CHODL: variants seen among roughly 807,000 people sequenced by gnomAD.
The protein encoded by CHODL is chondrolectin.
Under a neutral mutation model 34.5 loss-of-function variants are expected in CHODL, and 29 were observed. That is an observed-to-expected ratio of 0.84 (90% confidence interval 0.63 to 1.15). CHODL has a LOEUF of 1.15. Ranked by LOEUF, CHODL falls within the 50% of genes most tolerant of loss-of-function variation. CHODL has a pLI of 0.00. For synonymous variants in CHODL, 125 were observed against 116.1 expected, an observed-to-expected ratio of 1.08 and a Z score of -0.49; for missense variants, 332 against 332.5, an observed-to-expected ratio of 1.00 and a Z score of 0.01.
chr21:18,267,257 C>CTAT lies in CHODL; in HGVS notation c.*1221_*1222insTTA, dbSNP rs2074476578. On this transcript the variant is annotated 3_prime_UTR_variant, in exon 6 of 6. Transcript: ENST00000299295. The stretch of plus-strand genomic sequence containing the variant: ...TGGTGGCTCCTTTCTGTCTTATCTC[C>CTAT]TAGTTTCTTCAATGCTTACGCCTTG... 6 of 152,250 alleles carry CTAT rather than the reference C, an allele frequency of 3.9e-5. No individual in the cohort carries two copies. The South Asian group carries it at 1.2e-3, about 32-fold the overall frequency. The allele number at this position is 152,250 out of a possible 1,614,324, so 9.4% of individuals were successfully genotyped here. A position where few individuals can be genotyped will look rare whatever the true frequency, so the allele number is the denominator to read the frequency against.
intron 5 of CHODL, among the ~76,000 whole-genome samples, chr21:18,265,512 G>A (rs1173195043): frequency 6.6e-6 from 1 of 151,630 alleles, no homozygotes; most frequent in Non-Finnish European, 1.5e-5. Flanking sequence ...TGGACTTTGG[G>A]GACTCAGAGG....
intron 2 of CHODL, among the ~76,000 whole-genome samples, chr21:18,230,832 G>T (rs968902514): frequency 6.6e-6 from 1 of 152,002 alleles, no homozygotes; most frequent in Non-Finnish European, 1.5e-5. Context: ...TGTCATTATA[G>T]ACTAAAATTA....
intron 1 of CHODL, among the ~76,000 whole-genome samples, chr21:18,021,477 G>A (rs906186749): frequency 4.6e-5 from 7 of 152,136 alleles, no homozygotes; most frequent in Admixed American, 4.6e-4. Flanking sequence ...CATGGGGCTT[G>A]TTCTTCTTTC....
At chr21:18,101,291 T>C (rs1457253951) in intron 2 of CHODL, among the ~76,000 whole-genome samples, 2 of 152,180 alleles carry the variant, frequency 1.3e-5, no homozygotes, top group Non-Finnish European at 2.9e-5. Flanking sequence ...TGTGGAACTG[T>C]AAGTCCAATA....
intron 2 of CHODL, among the ~76,000 whole-genome samples, chr21:18,170,222 A>G (rs1438324859): frequency 6.6e-6 from 1 of 152,000 alleles, no homozygotes; most frequent in Non-Finnish European, 1.5e-5. Flanking sequence ...GCCTATTTCG[A>G]TATAAGTATA....
intron 2 of CHODL, among the ~76,000 whole-genome samples, chr21:18,170,120 G>T (rs2073209526): frequency 6.6e-6 from 1 of 151,836 alleles, no homozygotes; most frequent in Admixed American, 6.5e-5. Flanking sequence ...TTTGGTGCAT[G>T]TATATTTTCA....
chr21:17,935,610 T>G (rs2146324767), intron 1 of CHODL, among the ~76,000 whole-genome samples: 2 of 152,348 alleles, frequency 1.3e-5, no homozygotes, highest in Middle Eastern at 3.4e-3. Context: ...ACAAAATACA[T>G]TCAATATAGT....
intron 2 of CHODL, among the ~76,000 whole-genome samples, chr21:18,110,112 C>T (rs928109541): frequency 6.6e-6 from 1 of 152,152 alleles, no homozygotes; most frequent in Non-Finnish European, 1.5e-5. Flanking sequence ...AATAGCTTTG[C>T]TATTATTTGA....
intron 2 of CHODL, among the ~76,000 whole-genome samples, chr21:18,217,352 GA>G (rs2073840276): frequency 6.6e-6 from 1 of 152,102 alleles, no homozygotes; most frequent in South Asian, 2.1e-4. Flanking sequence ...AATCATGTCA[GA>G]AGGGGAACCA....
intron 2 of CHODL, among the ~76,000 whole-genome samples, chr21:18,107,328 C>A (rs1289802767): frequency 6.6e-6 from 1 of 152,184 alleles, no homozygotes; most frequent in Non-Finnish European, 1.5e-5. Context: ...AGCAGTCTGG[C>A]TGAACTTTTT....
chr21:18,091,612 C>T (rs1409283269), intron 2 of CHODL, among the ~76,000 whole-genome samples: 1 of 152,174 alleles, frequency 6.6e-6, no homozygotes, highest in African/African-American at 2.4e-5. Context: ...TTAGATACCA[C>T]CTCAACCACA....
At chr21:17,935,458 A>G (rs1347819732) in intron 1 of CHODL, among the ~76,000 whole-genome samples, 1 of 152,154 alleles carries the variant, frequency 6.6e-6, no homozygotes, top group East Asian at 1.9e-4. Flanking sequence ...CACAGCTCAC[A>G]AGCACACTCT....
chr21:18,108,143 T>A (rs1313424311), intron 2 of CHODL, among the ~76,000 whole-genome samples: 1 of 124,332 alleles, frequency 8.0e-6, no homozygotes, highest in Admixed American at 7.9e-5. Flanking sequence ...GCTCATCAGA[T>A]TCACTTTTTT....
At chr21:18,042,791 G>A (rs2064392354) in intron 2 of CHODL, among the ~76,000 whole-genome samples, 1 of 151,856 alleles carries the variant, frequency 6.6e-6, no homozygotes, top group Non-Finnish European at 1.5e-5. Context: ...GCTGGGACAC[G>A]AATATGCAAA....
chr21:18,060,582 AGCTGAATTCAT>A (rs1228425268), intron 2 of CHODL, among the ~76,000 whole-genome samples: 1 of 151,932 alleles, frequency 6.6e-6, no homozygotes, highest in Non-Finnish European at 1.5e-5. Context: ...AAGGCATGGC[AGCTGAATTCAT>A]GCTGAATCAT....
In CHODL at chr21:18,195,626, A is replaced by G. The variant is rs568969808; in HGVS notation, c.-44-60883A>G. Among the ~76,000 whole-genome samples the G allele has an allele frequency of 3.9e-5, 6 of 152,274 alleles. No homozygotes were observed. In the South Asian group the frequency reaches 8.3e-4, roughly 21 times the overall value. On this transcript the variant is annotated intron_variant, in intron 2 of 6. Transcript: ENST00000400127. ...TCCTCCACGTTTATCCATGTTTCAT[A>G]TGACAGAATTTCTGTATTATATCTG...
intron 2 of CHODL, among the ~76,000 whole-genome samples, chr21:18,108,004 A>AG (rs2065294905): frequency 6.6e-6 from 1 of 152,192 alleles, no homozygotes; most frequent in South Asian, 2.1e-4. Flanking sequence ...TAATTATTCC[A>AG]GGCTGGGATT....
In CHODL at chr21:17,918,779, C is replaced by T. The variant is rs140214557; in HGVS notation, c.-145+1379C>T. Among the ~76,000 whole-genome samples the T allele has an allele frequency of 8.1e-3, 1,237 of 152,254 alleles. 19 individuals carry two copies. Among genetic ancestry groups the T allele is most frequent in the African/African-American group, 0.027 (1,129 of 41,550 alleles). On this transcript the variant is annotated intron_variant, in intron 1 of 6. Transcript: ENST00000400127. ...AGTCTACAGTCCTAAGTCTTATCTG[C>T]GGTAAGGCAAGTCACTTCTGCCTAC...
At chr21:18,110,365 C>T (rs1351439058) in intron 2 of CHODL, among the ~76,000 whole-genome samples, 3 of 152,112 alleles carry the variant, frequency 2.0e-5, no homozygotes, top group Admixed American at 1.3e-4. Flanking sequence ...CTGAGTTGGC[C>T]CTGGGACTTA....
Sources: gnomAD v4.1 joint callset for allele counts (sites outside exome capture counted in the v4.1 genomes callset) on GRCh38, gnomAD v4.1.1 for gene constraint, MANE v1.5 for transcripts, NCBI Gene and HGNC (gene_info 2026-07-23, HGNC 2026-07-21) for gene names.